The following GABRG3 variants were observed in gnomAD, a reference collection of about 807,000 sequenced individuals.
GABRG3 encodes gamma-aminobutyric acid receptor subunit gamma-3.
GABRG3 carries 25 observed loss-of-function variants against 48.8 expected under a neutral mutation model. That is an observed-to-expected ratio of 0.51 (90% confidence interval 0.37 to 0.72). The LOEUF (loss-of-function observed/expected upper bound fraction) is 0.72, where lower values mean the gene tolerates loss of function less well. Among genes scored for constraint, GABRG3 ranks in the 30% least tolerant of loss-of-function variants. The pLI is 0.00. For synonymous variants in GABRG3, 227 were observed against 217.6 expected (o/e 1.04, Z -0.38); for missense variants, 394 against 577.9 (o/e 0.68, Z 3.26).
chr15:27,197,858 T>C (rs912935841), intron 3 of GABRG3, among the ~76,000 whole-genome samples: 10 of 152,152 alleles, frequency 6.6e-5, no homozygotes, highest in Admixed American at 2.6e-4. Context: ...TGTCCAGGAA[T>C]TTATCCATTT....
At chr15:27,466,069 G>C (rs1200812175) in intron 5 of GABRG3, among the ~76,000 whole-genome samples, 1 of 152,170 alleles carries the variant, frequency 6.6e-6, no homozygotes, top group East Asian at 1.9e-4. Context: ...CAACCTGTAG[G>C]CTTCAATTCA....
At chr15:27,178,160 G>A (rs1455859933) in intron 3 of GABRG3, among the ~76,000 whole-genome samples, 3 of 152,156 alleles carry the variant, frequency 2.0e-5, no homozygotes, top group African/African-American at 4.8e-5. Flanking sequence ...CTAAAGTTTG[G>A]TCAAGAAGAG....
In GABRG3 at chr15:27,041,044, A is replaced by ATT. The variant is rs5811471; in HGVS notation, c.270+14229_270+14230dup. The stretch of plus-strand genomic sequence containing the variant: ...GCATTTGTGGACCATATTTACTGAA[A>ATT]TTTTTTTCTCTCTTTTGCAATGTCG... On this transcript the variant is annotated intron_variant, in intron 3 of 9. Transcript: ENST00000615808. Among the ~76,000 whole-genome samples the ATT allele has an allele frequency of 2.4e-4, 36 of 152,020 alleles. 1 individual carries two copies. The South Asian group carries it at 7.5e-3, about 32-fold the overall frequency.
At chr15:27,145,629 CT>C (rs780283678) in intron 3 of GABRG3, among the ~76,000 whole-genome samples, 12 of 142,170 alleles carry the variant, frequency 8.4e-5, no homozygotes, top group East Asian at 6.3e-4. Flanking sequence ...ATCTATCTAT[CT>C]ATCTATCTAT....
chr15:27,480,824 CCA>C, intron 6 of GABRG3, 37 bp downstream of exon 6: 1 of 1,609,968 alleles, frequency 6.2e-7, no homozygotes, highest in Non-Finnish European at 8.5e-7. Context: ...CTCTCAAAAG[CCA>C]GAGAGGCCTA....
chr15:27,068,353 A>G (rs1052690772), intron 3 of GABRG3, among the ~76,000 whole-genome samples: 2 of 152,160 alleles, frequency 1.3e-5, no homozygotes, highest in African/African-American at 4.8e-5. Flanking sequence ...GGAGCCATCC[A>G]CACTGCAGGA....
chr15:27,261,433 T>C (rs1027394042), intron 3 of GABRG3, among the ~76,000 whole-genome samples: 1 of 151,806 alleles, frequency 6.6e-6, no homozygotes, highest in African/African-American at 2.4e-5. Context: ...TGCCACTGTC[T>C]CTGCTCAAGA....
intron 3 of GABRG3, among the ~76,000 whole-genome samples, chr15:27,227,616 G>A (rs2140444937): frequency 6.6e-6 from 1 of 152,184 alleles, no homozygotes; most frequent in African/African-American, 2.4e-5. Context: ...GAGCCCAGAA[G>A]TTCAAGACTC....
intron 5 of GABRG3, among the ~76,000 whole-genome samples, chr15:27,381,204 C>T (rs986601344): frequency 3.3e-5 from 5 of 152,172 alleles, no homozygotes; most frequent in Admixed American, 3.3e-4. Context: ...GAGTGTTTCT[C>T]TTTCTCCAAC....
chr15:27,118,507 T>A (rs909506163), intron 3 of GABRG3, among the ~76,000 whole-genome samples: 1 of 152,208 alleles, frequency 6.6e-6, no homozygotes, highest in Non-Finnish European at 1.5e-5. Context: ...CATTTGTGCA[T>A]GTACTTAATA....
At chr15:27,293,873 T>TC (rs1432537563) in intron 3 of GABRG3, among the ~76,000 whole-genome samples, 2 of 152,088 alleles carry the variant, frequency 1.3e-5, no homozygotes, top group African/African-American at 4.8e-5. Flanking sequence ...CAGACAGGAA[T>TC]CCCTATGTCC....
chr15:27,110,851 T>C (rs1246210170), intron 3 of GABRG3, among the ~76,000 whole-genome samples: 1 of 152,216 alleles, frequency 6.6e-6, no homozygotes, highest in Non-Finnish European at 1.5e-5. Context: ...AGTTTGAGTA[T>C]GAAATGTCCA....
At chr15:27,280,876 A>G in intron 3 of GABRG3, among the ~76,000 whole-genome samples, 1 of 151,948 alleles carries the variant, frequency 6.6e-6, no homozygotes, top group East Asian at 1.9e-4. Flanking sequence ...TTATATTCTC[A>G]CTCATTTTTT....
At chr15:27,365,981 A>G (rs1895185121) in intron 5 of GABRG3, 1 of 152,244 alleles carries the variant, frequency 6.6e-6, no homozygotes, top group South Asian at 2.1e-4. Context: ...TTTTCTAGGC[A>G]TAAATGGAAG....
At position 27,067,758 on chromosome 15, in the gene GABRG3, G is replaced by A. The variant is rs145332050; in HGVS notation, c.270+40937G>A. Reference sequence around the variant, plus strand: ...CTGCCTTCCAAGCCTGGCTGTTCAGGCCTCCTCTTTATTTTGTGAACACCC... The same window carrying A: ...CTGCCTTCCAAGCCTGGCTGTTCAGACCTCCTCTTTATTTTGTGAACACCC... On this transcript the variant is annotated intron_variant, in intron 3 of 9. Transcript: ENST00000615808. Among the ~76,000 whole-genome samples the A allele has an allele frequency of 2.5e-3, 385 of 152,222 alleles. 2 individuals are homozygous for A. The highest frequency in any genetic ancestry group is 8.6e-3 in the African/African-American group (356 of 41,540).
chr15:27,311,707 G>A (rs1217224182), intron 3 of GABRG3, among the ~76,000 whole-genome samples: 1 of 152,002 alleles, frequency 6.6e-6, no homozygotes, highest in Non-Finnish European at 1.5e-5. Context: ...TGAGGAACTG[G>A]CTTATGTCTT....
intron 5 of GABRG3, among the ~76,000 whole-genome samples, chr15:27,376,597 G>A (rs773020910): frequency 1.3e-5 from 2 of 152,182 alleles, no homozygotes; most frequent in Non-Finnish European, 2.9e-5. Context: ...AGCTGCCAAG[G>A]ATTGAGGCTT....
At chr15:27,445,334 C>A (rs535989940) in intron 5 of GABRG3, among the ~76,000 whole-genome samples, 1 of 152,324 alleles carries the variant, frequency 6.6e-6, no homozygotes, top group Admixed American at 6.5e-5. Context: ...TATCCACCTC[C>A]TCATGAGCAG....
chr15:27,081,884 T>C (rs986073187), intron 3 of GABRG3, among the ~76,000 whole-genome samples: 6 of 152,204 alleles, frequency 3.9e-5, no homozygotes, highest in African/African-American at 1.2e-4. Flanking sequence ...TTTCCTGGTG[T>C]GGTAGATCCC....
Sources: allele counts gnomAD v4.1 joint callset (sites outside exome capture counted in the v4.1 genomes callset), GRCh38; gene constraint gnomAD v4.1.1; transcripts MANE v1.5; gene names NCBI Gene and HGNC (gene_info 2026-07-23, HGNC 2026-07-21).